Variants in DEDD2 observed in about 807,000 individuals in gnomAD.
DEDD2 encodes death effector domain containing 2, also known as DNA-binding death effector domain-containing protein 2.
Under a neutral mutation model 28.9 loss-of-function variants are expected in DEDD2, and 18 were observed. The ratio of observed to expected loss-of-function variants is 0.62; its 90% CI spans 0.43 to 0.92. DEDD2 has a LOEUF of 0.92. Ranked by LOEUF, DEDD2 falls within the 40% of genes least tolerant of loss-of-function variation. DEDD2 has a pLI of 0.00. For synonymous variants in DEDD2, 211 were observed against 206.1 expected, an observed-to-expected ratio of 1.02 and a Z score of -0.20; for missense variants, 411 against 463.3, an observed-to-expected ratio of 0.89 and a Z score of 1.04.
At chr19:42,218,458 G>A (rs956184012), upstream of DEDD2, among the ~76,000 whole-genome samples, 2 of 151,986 alleles carry the variant, frequency 1.3e-5, no homozygotes, top group Non-Finnish European at 2.9e-5. Context: ...GCCCTCCAGG[G>A]TCGCCCAGAT....
intron 4 of DEDD2, chr19:42,201,949 T>C: frequency 2.5e-6 from 1 of 398,808 alleles, no homozygotes; most frequent in Non-Finnish European, 4.4e-6. Context: ...CAGGAGTGGT[T>C]GGCCACAGAG....
rs2035227409 is a variant in DEDD2 at position 42,199,323 on chromosome 19, T to C, written c.*115A>G. On this transcript the variant is annotated 3_prime_UTR_variant, in exon 5 of 5. Coordinates refer to ENST00000596251, the MANE Select transcript of DEDD2 (RefSeq NM_133328.4). The surrounding 1 kb of genome is among the most constrained non-coding windows in gnomAD (Gnocchi z 7.4). ...GTCAAGGGGCCTGCTGTCCCGGTCCTGTCGCAGTCCTCAAAGATGCTAGAG... is the reference window on the plus strand; with the variant it reads ...GTCAAGGGGCCTGCTGTCCCGGTCCCGTCGCAGTCCTCAAAGATGCTAGAG... 3.6e-6 allele frequency: 5 copies of C among 1,391,480 alleles called. No homozygotes were observed. The highest frequency in any genetic ancestry group is 1.5e-5 in the South Asian group (1 of 66,334). The allele number at this position is 1,391,480 out of a possible 1,614,324, so 86.2% of individuals were successfully genotyped here.
In DEDD2 at chr19:42,217,036, A is replaced by C; in HGVS notation, c.-29T>G. The C allele has an allele frequency of 5.7e-5, 88 of 1,551,818 alleles. No homozygotes were observed. Among genetic ancestry groups the C allele is most frequent in the Middle Eastern group, 1.7e-4 (1 of 5,980 alleles). The stretch of plus-strand genomic sequence containing the variant: ...CGGGGGAGGGAGGCGGAACAAGCTC[A>C]GAACCCGGCCTAGAACCCACACAGC... On this transcript the variant is annotated 5_prime_UTR_variant, in exon 2 of 5. Transcript: ENST00000596251.
At chr19:42,205,820 T>G (rs576417474) in intron 4 of DEDD2, among the ~76,000 whole-genome samples, 7 of 151,294 alleles carry the variant, frequency 4.6e-5, no homozygotes, top group Admixed American at 3.9e-4. Context: ...CGGTGGCTCA[T>G]GCCTGTAATC....
intron 4 of DEDD2, among the ~76,000 whole-genome samples, chr19:42,206,066 GGA>G (rs1436405790): frequency 6.7e-6 from 1 of 150,208 alleles, no homozygotes; most frequent in African/African-American, 2.5e-5. Flanking sequence ...CCTGGGCGAC[GGA>G]GACCCTGTCT....
At position 42,200,585 on chromosome 19, in the gene DEDD2, C is replaced by A. The variant is rs535322419; in HGVS notation, c.590-756G>T. On this transcript the variant is annotated intron_variant, in intron 4 of 4. Transcript: ENST00000596251. ...GACCTGTGCTGGCTCTACTGGGAGT[C>A]AGGTACTCTCTTGCCACAGAGCTGC... Among the ~76,000 whole-genome samples the A allele has an allele frequency of 2.0e-5, 3 of 152,324 alleles. No individual in the cohort carries two copies. In the South Asian group the frequency reaches 6.2e-4, roughly 32 times the overall value.
chr19:42,211,422 A>G (rs1417963590), intron 3 of DEDD2, among the ~76,000 whole-genome samples: 9 of 77,322 alleles, frequency 1.2e-4, no homozygotes, highest in Non-Finnish European at 1.9e-4. Flanking sequence ...GAAGGGAGAG[A>G]GGGACGGAGG....
intron 3 of DEDD2, among the ~76,000 whole-genome samples, chr19:42,214,435 G>A (rs1255595546): frequency 6.6e-6 from 1 of 152,172 alleles, no homozygotes; most frequent in Non-Finnish European, 1.5e-5. Context: ...CGAAGCCTGA[G>A]TGACAGAATG....
At position 42,216,845 on chromosome 19, in the gene DEDD2, C is replaced by T; in HGVS notation, c.163G>A (p.Ala55Thr). 1 of 1,588,660 alleles carries T rather than the reference C, an allele frequency of 6.3e-7. No homozygotes were observed. Among genetic ancestry groups the T allele is most frequent in the Non-Finnish European group, 8.6e-7 (1 of 1,168,140 alleles). ...LAFLLDEAPG[A>T]AGGLARARSG... The stretch of plus-strand genomic sequence containing the variant: ...CGGGCCCGGGCTAAGCCTCCGGCGG[C>T]GCCAGGAGCCTCATCCAGCAGAAAG... Residue 55 changes from alanine to threonine, a missense_variant, in exon 2 of 5, where the codon GCC becomes ACC. Physicochemically the swap from Ala to Thr is moderately conservative, Grantham distance 58. Around this residue, in one of 2 missense-constraint regions of DEDD2, gnomAD observed 282 missense variants for 273.4 expected, o/e 1.03. Transcript: ENST00000596251.
chr19:42,199,334 T>G lies in DEDD2; in HGVS notation c.*104A>C. ...TGCTGTCCCGGTCCTGTCGCAGTCC[T>G]CAAAGATGCTAGAGTGACAGTCCTC... On this transcript the variant is annotated 3_prime_UTR_variant, in exon 5 of 5. Coordinates refer to ENST00000596251, the MANE Select transcript of DEDD2 (RefSeq NM_133328.4). This position sits in a 1 kb window ranked among gnomAD's most constrained non-coding sequence, Gnocchi z 7.4. 2 of 1,422,816 alleles carry G rather than the reference T, an allele frequency of 1.4e-6. No homozygotes were observed. Among genetic ancestry groups the G allele is most frequent in the Non-Finnish European group, 1.8e-6 (2 of 1,087,132 alleles). The allele number at this position is 1,422,816 out of a possible 1,614,324, so 88.1% of individuals were successfully genotyped here. A position where few individuals can be genotyped will look rare whatever the true frequency, so the allele number is the denominator to read the frequency against.
intron 4 of DEDD2, among the ~76,000 whole-genome samples, chr19:42,207,008 G>A (rs1314858325): frequency 1.3e-5 from 2 of 152,008 alleles, no homozygotes; most frequent in East Asian, 1.9e-4. Context: ...CGACCTCCTC[G>A]CCTCGGGAAA....
chr19:42,213,677 GA>G (rs971571078), intron 3 of DEDD2, among the ~76,000 whole-genome samples: 12 of 151,888 alleles, frequency 7.9e-5, no homozygotes, highest in Non-Finnish European at 1.3e-4. Context: ...ACTCCATCAG[GA>G]AAAAAACAGA....
chr19:42,214,985 G>T, intron 3 of DEDD2, 148 bp downstream of exon 3: 1 of 1,219,326 alleles, frequency 8.2e-7, no homozygotes, highest in Non-Finnish European at 1.1e-6. Context: ...TCAGAACAGA[G>T]TATCTGTAGC....
intron 4 of DEDD2, among the ~76,000 whole-genome samples, chr19:42,203,695 A>G (rs2035419839): frequency 1.3e-5 from 2 of 152,198 alleles, no homozygotes; most frequent in African/African-American, 4.8e-5. Context: ...GCAAGGAAAG[A>G]GGGGAGGCCA....
rs748627859 is a variant in DEDD2, at chr19:42,215,221, G to A, written c.360C>T (p.Ser120=). The A allele has an allele frequency of 1.2e-6, 2 of 1,613,832 alleles. No homozygotes were observed. Among genetic ancestry groups the A allele is most frequent in the Middle Eastern group, 3.3e-4 (2 of 6,062 alleles). Residue 120 remains serine, a synonymous_variant, in exon 3 of 5, where the codon TCC becomes TCT. Transcript: ENST00000596251. ...TACCCTCTGTCCTCTTTGAAGAGCT[G>A]GAGGTGCCATAGCTATAGCGTTCTG... is the stretch of plus-strand genomic sequence containing the variant. ...VSPERYSYGT[S]SSSKRTEGSC...
At position 42,199,380 on chromosome 19, in the gene DEDD2, C is replaced by T; in HGVS notation, c.*58G>A. The T allele has an allele frequency of 6.7e-7, 1 of 1,486,250 alleles. No homozygotes were observed. The highest frequency in any genetic ancestry group is 8.9e-7 in the Non-Finnish European group (1 of 1,124,962). The allele number at this position is 1,486,250 out of a possible 1,614,324, so 92.1% of individuals were successfully genotyped here. Reference sequence around the variant, plus strand: ...TCCTCTAGGGGTAGAGATGGTCGTCCTCCCAGGAGAAGGTGGCCCGGAGAC... The same window carrying T: ...TCCTCTAGGGGTAGAGATGGTCGTCTTCCCAGGAGAAGGTGGCCCGGAGAC... On this transcript the variant is annotated 3_prime_UTR_variant, in exon 5 of 5. Coordinates refer to ENST00000596251, the MANE Select transcript of DEDD2 (RefSeq NM_133328.4). This position sits in a 1 kb window ranked among gnomAD's most constrained non-coding sequence, Gnocchi z 7.4.
chr19:42,215,043 A>G, intron 3 of DEDD2, 90 bp downstream of exon 3: 2 of 1,548,116 alleles, frequency 1.3e-6, no homozygotes, highest in Non-Finnish European at 1.8e-6. Flanking sequence ...TGAAAATGAG[A>G]CAGAATAACC....
In DEDD2 at chr19:42,217,013, G is replaced by C; in HGVS notation, c.-6C>G. 1.3e-6 allele frequency: 2 copies of C among 1,572,676 alleles called. No individual in the cohort carries two copies. The highest frequency in any genetic ancestry group is 1.7e-6 in the Non-Finnish European group (2 of 1,159,710). On this transcript the variant is annotated 5_prime_UTR_variant, in exon 2 of 5. Transcript: ENST00000596251. ...GTCGACCCGGATAGCGCCATTCCCG[G>C]GGGAGGGAGGCGGAACAAGCTCAGA...
Position 42,209,848 on chromosome 19 carries a change from G to GA in DEDD2, c.449-9dup. On this transcript the variant is annotated splice_polypyrimidine_tract_variant and intron_variant, in intron 3 of 4. Coordinates refer to ENST00000596251, the MANE Select transcript of DEDD2 (RefSeq NM_133328.4). ...GCTTGGTTGGGGGGGAGCCTGAGGG[G>GA]AAAAAAATGGGGCAAGTTGAGGACC... is the stretch of plus-strand genomic sequence containing the variant. 3 of 1,506,966 alleles carry GA rather than the reference G, an allele frequency of 2.0e-6. No individual in the cohort carries two copies. Among genetic ancestry groups the GA allele is most frequent in the South Asian group, 2.6e-5 (2 of 77,938 alleles). 93.3% of individuals were successfully genotyped at this position (1,506,966 alleles called of 1,614,324 possible).
Sources: gnomAD v4.1 joint callset for allele counts (sites outside exome capture counted in the v4.1 genomes callset) on GRCh38, gnomAD v4.1.1 for gene constraint, gnomAD v4.1.1 regional missense constraint, Gnocchi (gnomAD v3.1) non-coding constraint, MANE v1.5 for transcripts, NCBI Gene and HGNC (gene_info 2026-07-23, HGNC 2026-07-21) for gene names.